ZPBP: variants seen among roughly 807,000 people sequenced by gnomAD.
The protein encoded by ZPBP is zona pellucida-binding protein 1.
In ZPBP, 26 loss-of-function variants were observed where a neutral mutation model predicts 44.8. The observed-to-expected ratio is 0.58, with a 90% CI of 0.43 to 0.81. The LOEUF (loss-of-function observed/expected upper bound fraction) is 0.81, where lower values mean the gene tolerates loss of function less well. Ranked by LOEUF, ZPBP falls within the 30% of genes least tolerant of loss-of-function variation. ZPBP has a pLI of 0.00. For synonymous variants in ZPBP, 174 were observed against 153.2 expected, an observed-to-expected ratio of 1.14 and a Z score of -1.00; for missense variants, 409 against 434.0, an observed-to-expected ratio of 0.94 and a Z score of 0.51.
chr7:49,876,916 A>G lies in ZPBP; in HGVS notation n.509+24202T>C, dbSNP rs373061297. On this transcript the variant is annotated intron_variant and non_coding_transcript_variant, in intron 2 of 2. Transcript: ENST00000465922. ...TAAATTTATCAGTGGGATCCTTTTG[A>G]TGCACTCCTGTCAGTGTCTTTGCCC... Among the ~76,000 whole-genome samples the G allele has an allele frequency of 9.2e-5, 14 of 151,982 alleles. No homozygotes were observed. In the East Asian group the frequency reaches 2.7e-3, roughly 30 times the overall value.
At chr7:50,074,796 G>A (rs1048028982) in intron 3 of ZPBP, among the ~76,000 whole-genome samples, 1 of 151,856 alleles carries the variant, frequency 6.6e-6, no homozygotes, top group African/African-American at 2.4e-5. Context: ...TAAAGAGAGA[G>A]AGAGGCCTCA....
intron 1 of ZPBP, among the ~76,000 whole-genome samples, chr7:49,927,108 GT>G (rs1192112848): frequency 6.6e-6 from 1 of 152,204 alleles, no homozygotes; most frequent in Non-Finnish European, 1.5e-5. Flanking sequence ...TATATTGAGT[GT>G]TGTAGTCTTC....
At chr7:49,872,740 T>C (rs1437440660) in intron 2 of ZPBP, among the ~76,000 whole-genome samples, 3 of 81,562 alleles carry the variant, frequency 3.7e-5, no homozygotes, top group Admixed American at 2.5e-4. Flanking sequence ...ACCCCGTCTC[T>C]ACAAAAAATA....
chr7:49,872,751 CA>C lies in ZPBP; in HGVS notation n.510-22238del, dbSNP rs34987652. Among the ~76,000 whole-genome samples the C allele has an allele frequency of 1.0e-3, 128 of 122,038 alleles. 2 individuals carry two copies. In the East Asian group the frequency reaches 0.012, roughly 11 times the overall value. 80.1% of individuals were successfully genotyped at this position (122,038 alleles called of 152,430 possible). A position where few individuals can be genotyped will look rare whatever the true frequency, so the allele number is the denominator to read the frequency against. On this transcript the variant is annotated intron_variant and non_coding_transcript_variant, in intron 2 of 2. Transcript: ENST00000465922. Reference sequence around the variant, plus strand: ...TGAAACCCCGTCTCTACAAAAAATACAAAAAAAAAAAAAAATTAGTCCGGTG... The same window carrying C: ...TGAAACCCCGTCTCTACAAAAAATACAAAAAAAAAAAAAATTAGTCCGGTG...
At chr7:50,063,843 T>C (rs1801369277) in intron 3 of ZPBP, among the ~76,000 whole-genome samples, 1 of 152,226 alleles carries the variant, frequency 6.6e-6, no homozygotes. Flanking sequence ...TGCCAATAAA[T>C]CTAGTGCCCT....
At chr7:49,986,434 G>C (rs1175121866) in intron 6 of ZPBP, among the ~76,000 whole-genome samples, 2 of 152,158 alleles carry the variant, frequency 1.3e-5, no homozygotes, top group Middle Eastern at 3.2e-3. Flanking sequence ...ATGCCCAAAG[G>C]GTCCTGCGTG....
chr7:49,849,200 G>A (rs1481120610), downstream of ZPBP, among the ~76,000 whole-genome samples: 2 of 152,186 alleles, frequency 1.3e-5, no homozygotes, highest in Non-Finnish European at 2.9e-5. Context: ...CGGCTGTGGG[G>A]GGAAACCAAT....
intron 1 of ZPBP, chr7:49,916,602 GT>G (rs1185332652): frequency 6.6e-6 from 1 of 152,098 alleles, no homozygotes; most frequent in Non-Finnish European, 1.5e-5. Flanking sequence ...AATCCCTTTA[GT>G]TTGGGCTGTG....
At chr7:50,008,714 C>T (rs1275093723) in intron 6 of ZPBP, among the ~76,000 whole-genome samples, 1 of 152,012 alleles carries the variant, frequency 6.6e-6, no homozygotes, top group Admixed American at 6.6e-5. Context: ...AATAAGTCCT[C>T]GTATACATGG....
At chr7:50,009,983 T>C (rs918020379) in intron 6 of ZPBP, among the ~76,000 whole-genome samples, 13 of 151,926 alleles carry the variant, frequency 8.6e-5, no homozygotes, top group South Asian at 6.2e-4. Flanking sequence ...ATAGAGGAAA[T>C]AGCAGGCCTA....
intron 2 of ZPBP, among the ~76,000 whole-genome samples, chr7:49,865,989 T>TA (rs1228860026): frequency 6.6e-6 from 1 of 152,256 alleles, no homozygotes; most frequent in Non-Finnish European, 1.5e-5. Flanking sequence ...AAAAGACTTT[T>TA]ACAGCCATAC....
At chr7:50,007,790 G>A (rs1798374690) in intron 6 of ZPBP, among the ~76,000 whole-genome samples, 1 of 151,944 alleles carries the variant, frequency 6.6e-6, no homozygotes, top group African/African-American at 2.4e-5. Flanking sequence ...TTCAACCGAT[G>A]TAGAAAAGGT....
At chr7:50,002,385 G>C (rs905105372) in intron 6 of ZPBP, among the ~76,000 whole-genome samples, 2 of 152,062 alleles carry the variant, frequency 1.3e-5, no homozygotes, top group Non-Finnish European at 2.9e-5. Context: ...AGATGGGGGT[G>C]GGAACACAGC....
intron 6 of ZPBP, among the ~76,000 whole-genome samples, chr7:50,004,251 C>G (rs1798211699): frequency 6.6e-6 from 1 of 151,348 alleles, no homozygotes; most frequent in African/African-American, 2.4e-5. Context: ...TTTTTTTCTT[C>G]CCATGCCAGA....
chr7:49,949,919 C>T (rs1795265152), intron 7 of ZPBP, among the ~76,000 whole-genome samples: 2 of 151,880 alleles, frequency 1.3e-5, no homozygotes, highest in Non-Finnish European at 2.9e-5. Flanking sequence ...GTTTCTTCCA[C>T]CCTACTGTTG....
intron 6 of ZPBP, among the ~76,000 whole-genome samples, chr7:50,002,660 A>G (rs561151046): frequency 4.1e-4 from 62 of 152,336 alleles, no homozygotes; most frequent in Admixed American, 5.9e-4. Context: ...CCACCAGAAT[A>G]GAAAAGCTGA....
chr7:49,841,896 T>C, the ZPBP span, among the ~76,000 whole-genome samples: 4 of 152,128 alleles, frequency 2.6e-5, no homozygotes, highest in African/African-American at 4.8e-5. Context: ...GATGGAGTTT[T>C]GCTCTTATTG....
intron 1 of ZPBP, among the ~76,000 whole-genome samples, chr7:49,903,352 T>G (rs1792882846): frequency 6.6e-6 from 1 of 152,194 alleles, no homozygotes; most frequent in South Asian, 2.1e-4. Context: ...GCCACTCAGT[T>G]GTTAAATTAT....
At chr7:49,861,195 T>C (rs558776298) in intron 2 of ZPBP, among the ~76,000 whole-genome samples, 4 of 152,220 alleles carry the variant, frequency 2.6e-5, no homozygotes, top group Admixed American at 6.5e-5. Context: ...GTTATTGCTA[T>C]AACCATCTTA....
Sources: allele counts gnomAD v4.1 joint callset (sites outside exome capture counted in the v4.1 genomes callset), GRCh38; gene constraint gnomAD v4.1.1; transcripts MANE v1.5; gene names NCBI Gene and HGNC (gene_info 2026-07-23, HGNC 2026-07-21).